The following ATP13A4 variants were observed in gnomAD, a reference collection of about 807,000 sequenced individuals.
ATP13A4 encodes probable cation-transporting ATPase 13A4.
A neutral mutation model predicts 142.5 loss-of-function variants in ATP13A4; 114 were observed. That is an observed-to-expected ratio of 0.80 (90% CI 0.69 to 0.93). The LOEUF is 0.93. Among genes scored for constraint, ATP13A4 ranks in the 40% least tolerant of loss-of-function variants. The pLI is 0.00. For synonymous variants in ATP13A4, 488 were observed against 514.8 expected, an observed-to-expected ratio of 0.95 and a Z score of 0.70; for missense variants, 1,392 against 1,454.0, an observed-to-expected ratio of 0.96 and a Z score of 0.69.
intron 1 of ATP13A4, chr3:193,554,520 CA>C: frequency 1.6e-6 from 1 of 618,864 alleles, no homozygotes; most frequent in Non-Finnish European, 2.9e-6. Context: ...AAGATGAATA[CA>C]ATATTTTCAT....
intron 25 of ATP13A4, among the ~76,000 whole-genome samples, chr3:193,427,153 ACAC>A (rs1279890663): frequency 2.2e-4 from 33 of 152,126 alleles, no homozygotes; most frequent in Non-Finnish European, 1.5e-5. Flanking sequence ...GCATTCTTAT[ACAC>A]CACTAACAGA....
At chr3:193,553,759 T>G (rs1723726769) in intron 1 of ATP13A4, 1 of 152,212 alleles carries the variant, frequency 6.6e-6, no homozygotes, top group Non-Finnish European at 1.5e-5. Context: ...GTTGTTGCTA[T>G]AGGAACAGGT....
At chr3:193,489,670 T>C (rs974467790) in intron 7 of ATP13A4, 60 bp downstream of exon 7, 59 of 1,547,088 alleles carry the variant, frequency 3.8e-5, no homozygotes, top group Admixed American at 8.5e-5. Flanking sequence ...TTCTAACAAA[T>C]TTTTAATAAA....
chr3:193,407,526 T>C (rs1413661582), intron 28 of ATP13A4, 133 bp from the exon 29 acceptor site: 2 of 577,262 alleles, frequency 3.5e-6, no homozygotes, highest in Non-Finnish European at 6.1e-6. Flanking sequence ...ATTACATATA[T>C]CTTATATATA....
At chr3:193,416,344 G>A (rs1329056110) in intron 25 of ATP13A4, among the ~76,000 whole-genome samples, 2 of 152,138 alleles carry the variant, frequency 1.3e-5, no homozygotes, top group African/African-American at 4.8e-5. Context: ...TGTCCCTGAG[G>A]AAGCACAGAT....
At chr3:193,566,209 T>C (rs1394474035) in intron 2 of ATP13A4, among the ~76,000 whole-genome samples, 1 of 152,176 alleles carries the variant, frequency 6.6e-6, no homozygotes, top group Admixed American at 6.5e-5. Flanking sequence ...ACCTACTCTT[T>C]TTGCTACCTC....
chr3:193,471,710 G>T (rs2108648259), intron 8 of ATP13A4, among the ~76,000 whole-genome samples: 1 of 151,642 alleles, frequency 6.6e-6, no homozygotes, highest in South Asian at 2.1e-4. Flanking sequence ...AAACACAAGT[G>T]GTGTGTTAAG....
In ATP13A4 at chr3:193,434,057, A is replaced by T; in HGVS notation, c.2770-140T>A. ...AGATGCTGTGTTCGGGGCCTGGTTG[A>T]GTTGGTGAGTGATGGTGTTGGTGGA... On this transcript the variant is annotated intron_variant, in intron 24 of 29. Coordinates refer to ENST00000342695, the MANE Select transcript of ATP13A4 (RefSeq NM_032279.4). 5.4e-6 allele frequency: 4 copies of T among 739,658 alleles called. No homozygotes were observed. The Admixed American group carries it at 6.1e-5, about 11-fold the overall frequency. The allele number at this position is 739,658 out of a possible 1,614,324, so 45.8% of individuals were successfully genotyped here. A position where few individuals can be genotyped will look rare whatever the true frequency, so the allele number is the denominator to read the frequency against.
chr3:193,409,936 C>A (rs1165377887), intron 28 of ATP13A4, among the ~76,000 whole-genome samples: 1 of 152,132 alleles, frequency 6.6e-6, no homozygotes, highest in Non-Finnish European at 1.5e-5. Context: ...ACTGTTGGAC[C>A]TCATGAGACT....
chr3:193,407,869 G>A (rs770611000), intron 28 of ATP13A4, among the ~76,000 whole-genome samples: 17 of 152,146 alleles, frequency 1.1e-4, no homozygotes, highest in Non-Finnish European at 1.5e-4. Flanking sequence ...CTGGTGTCCC[G>A]TCTCTCCCCA....
chr3:193,567,518 A>G (rs1408941640), intron 2 of ATP13A4, among the ~76,000 whole-genome samples: 2 of 152,202 alleles, frequency 1.3e-5, no homozygotes, highest in African/African-American at 4.8e-5. Context: ...CAGTCCATGG[A>G]TACGAATTAA....
At position 193,467,366 on chromosome 3, in the gene ATP13A4, T is replaced by C. The variant is rs757702431; in HGVS notation, c.1064A>G (p.Gln355Arg). 1.4e-5 allele frequency: 22 copies of C among 1,614,082 alleles called. No homozygotes were observed. In the South Asian group the frequency reaches 2.3e-4, roughly 17 times the overall value. ...GGTCCCAGAGCAAGCTGCCTTGGCC[T>C]GGATAACCTCTGTTCCACAGAAGAG... ...HVLFCGTEVIQAKAACSGTVR... is the reference protein window; with the variant it reads ...HVLFCGTEVIRAKAACSGTVR... The change falls in exon 10 of 30, where the codon CAG becomes CGG. Residue 355 changes from glutamine (Q) to arginine (R), a missense_variant. Transcript: ENST00000342695.
At position 193,466,730 on chromosome 3, in the gene ATP13A4, A is replaced by C. The variant is rs574313218; in HGVS notation, c.1115-548T>G. On this transcript the variant is annotated intron_variant, in intron 10 of 29. Transcript: ENST00000342695. ...TCAGCCTATTCATGGACATAGCAGA[A>C]ACAGTAAGCATCTCTGCTCTGCTTG... Among the ~76,000 whole-genome samples the C allele has an allele frequency of 2.0e-5, 3 of 152,342 alleles. No homozygotes were observed. The East Asian group carries it at 5.8e-4, about 29-fold the overall frequency.
intron 9 of ATP13A4, among the ~76,000 whole-genome samples, chr3:193,467,841 G>A (rs776134950): frequency 2.0e-5 from 3 of 152,268 alleles, no homozygotes; most frequent in Middle Eastern, 3.4e-3. Flanking sequence ...GAGCTATCTA[G>A]GAGCCAAAGC....
At chr3:193,536,340 A>T (rs1722591288) in intron 1 of ATP13A4, among the ~76,000 whole-genome samples, 1 of 152,070 alleles carries the variant, frequency 6.6e-6, no homozygotes, top group Non-Finnish European at 1.5e-5. Flanking sequence ...AGCCACACAC[A>T]CACAAAAATT....
chr3:193,428,915 A>G (rs1235406196), intron 25 of ATP13A4, among the ~76,000 whole-genome samples: 1 of 152,068 alleles, frequency 6.6e-6, no homozygotes, highest in African/African-American at 2.4e-5. Flanking sequence ...CGTTGTGCAC[A>G]TGTACCCTAG....
chr3:193,593,004 C>T (rs1320315308), intron 1 of ATP13A4: 3 of 262,980 alleles, frequency 1.1e-5, no homozygotes, highest in South Asian at 1.5e-4. Flanking sequence ...GCTCCCTCCC[C>T]TGGCCAAATC....
chr3:193,552,722 A>G (rs1179357542), intron 1 of ATP13A4, among the ~76,000 whole-genome samples: 1 of 152,178 alleles, frequency 6.6e-6, no homozygotes, highest in Non-Finnish European at 1.5e-5. Context: ...CCAGAGACAA[A>G]AGAGCTGTCA....
intron 25 of ATP13A4, among the ~76,000 whole-genome samples, chr3:193,428,918 T>C (rs1269993345): frequency 6.6e-6 from 1 of 152,028 alleles, no homozygotes; most frequent in Non-Finnish European, 1.5e-5. Context: ...TGTGCACATG[T>C]ACCCTAGAAC....
Sources: allele counts gnomAD v4.1 joint callset (sites outside exome capture counted in the v4.1 genomes callset), GRCh38; gene constraint gnomAD v4.1.1; transcripts MANE v1.5; gene names NCBI Gene and HGNC (gene_info 2026-07-23, HGNC 2026-07-21).